The following WDTC1 variants were observed in gnomAD, a reference collection of about 807,000 sequenced individuals.
WDTC1 encodes the protein WD and tetratricopeptide repeats 1, also known as WD and tetratricopeptide repeats protein 1.
WDTC1 carries 12 observed loss-of-function variants against 76.0 expected under a neutral mutation model. The ratio of observed to expected loss-of-function variants is 0.16; its 90% CI spans 0.10 to 0.26. WDTC1 has a LOEUF of 0.26. Ranked by LOEUF, WDTC1 falls within the 10% of genes least tolerant of loss-of-function variation. WDTC1 has a pLI of 1.00. For missense variants in WDTC1, 511 were observed against 908.8 expected (o/e 0.56, Z 5.63); for synonymous variants, 326 against 350.8 (o/e 0.93, Z 0.79).
At chr1:27,245,724 C>T (rs2011807329) in intron 1 of WDTC1, among the ~76,000 whole-genome samples, 1 of 151,360 alleles carries the variant, frequency 6.6e-6, no homozygotes, top group South Asian at 2.1e-4. Context: ...TGCCTGCCAC[C>T]ATGCACAGCT....
In WDTC1 at chr1:27,305,315, A is replaced by C. The variant is rs939849528; in HGVS notation, c.1836+122A>C. On this transcript the variant is annotated intron_variant, in intron 15 of 15. Transcript: ENST00000319394. This position sits in a 1 kb window ranked among gnomAD's most constrained non-coding sequence, Gnocchi z 4.6. Reference sequence around the variant, plus strand: ...GGCTAGAAGCTGCTAAGTAAGCCTTACCCCGGGGCCCAAGGCTGTGTTCTC... The same window carrying C: ...GGCTAGAAGCTGCTAAGTAAGCCTTCCCCCGGGGCCCAAGGCTGTGTTCTC... 1.3e-5 allele frequency: 16 copies of C among 1,235,242 alleles called. No individual in the cohort carries two copies. The highest frequency in any genetic ancestry group is 1.6e-5 in the Non-Finnish European group (15 of 918,200). 76.5% of individuals were successfully genotyped at this position (1,235,242 alleles called of 1,614,324 possible). A position where few individuals can be genotyped will look rare whatever the true frequency, so the allele number is the denominator to read the frequency against.
chr1:27,248,903 C>T (rs2147912171), intron 1 of WDTC1, among the ~76,000 whole-genome samples: 1 of 152,220 alleles, frequency 6.6e-6, no homozygotes, highest in Admixed American at 6.5e-5. Context: ...GCAATCTTCC[C>T]ACATTGGTCT....
chr1:27,286,161 A>G (rs976541706), intron 5 of WDTC1, among the ~76,000 whole-genome samples: 4 of 151,710 alleles, frequency 2.6e-5, no homozygotes, highest in Non-Finnish European at 5.9e-5. Context: ...GCACACCACC[A>G]CATCCGGCTA....
At chr1:27,285,996 GTTTTTTTT>G (rs5773184) in intron 5 of WDTC1, among the ~76,000 whole-genome samples, 1 of 63,280 alleles carries the variant, frequency 1.6e-5, no homozygotes, top group African/African-American at 6.6e-5. Flanking sequence ...CAGGATGGTG[GTTTTTTTT>G]TTTTTTTTTT....
chr1:27,258,808 A>G (rs2012376055), intron 1 of WDTC1, among the ~76,000 whole-genome samples: 1 of 152,154 alleles, frequency 6.6e-6, no homozygotes, highest in African/African-American at 2.4e-5. Context: ...CAGGTGAAAA[A>G]CGTGATTTCA....
At chr1:27,297,747 A>G (rs1181352616) in intron 11 of WDTC1, among the ~76,000 whole-genome samples, 191 bp from the exon 12 acceptor site, 1 of 152,122 alleles carries the variant, frequency 6.6e-6, no homozygotes, top group Non-Finnish European at 1.5e-5. Flanking sequence ...TTGGAATGAA[A>G]TTCCAAATGG....
At chr1:27,235,934 T>C (rs1264613913) in intron 1 of WDTC1, among the ~76,000 whole-genome samples, 3 of 152,126 alleles carry the variant, frequency 2.0e-5, no homozygotes, top group Non-Finnish European at 4.4e-5. Context: ...GTAGATGATC[T>C]GGGTAAAGTG....
intron 1 of WDTC1, among the ~76,000 whole-genome samples, chr1:27,239,501 A>G (rs1226613701): frequency 6.9e-6 from 1 of 145,764 alleles, no homozygotes; most frequent in Non-Finnish European, 1.5e-5. Context: ...CAGCATGGGC[A>G]ACAGAGACCC....
chr1:27,241,982 C>T (rs1269623277), intron 1 of WDTC1, among the ~76,000 whole-genome samples: 2 of 151,592 alleles, frequency 1.3e-5, no homozygotes, highest in African/African-American at 2.4e-5. Context: ...GCCTCAGGCT[C>T]CTGGGTTCAA....
intron 1 of WDTC1, among the ~76,000 whole-genome samples, chr1:27,243,198 ATTTTTTTTTT>A (rs10714028): frequency 6.6e-5 from 4 of 60,248 alleles, no homozygotes; most frequent in Admixed American, 2.3e-4. Context: ...CTGGCCAGTA[ATTTTTTTTTT>A]TTTTTTTTTT....
At chr1:27,268,437 G>A (rs920453687) in intron 3 of WDTC1, among the ~76,000 whole-genome samples, 4 of 150,642 alleles carry the variant, frequency 2.7e-5, no homozygotes, top group Non-Finnish European at 5.9e-5. Context: ...TGGTTTTTTT[G>A]TGACAGAGTC....
chr1:27,246,671 T>C (rs1350424835), intron 1 of WDTC1, among the ~76,000 whole-genome samples: 2 of 151,610 alleles, frequency 1.3e-5, no homozygotes, highest in Admixed American at 6.6e-5. Flanking sequence ...AAGCGATTCT[T>C]CTGCCTCAGC....
intron 1 of WDTC1, among the ~76,000 whole-genome samples, chr1:27,241,841 A>G (rs1445582853): frequency 6.6e-6 from 1 of 152,190 alleles, no homozygotes; most frequent in Non-Finnish European, 1.5e-5. Context: ...ACATCCAGAA[A>G]AAATTTTCAC....
At chr1:27,237,727 T>G (rs984622193) in intron 1 of WDTC1, among the ~76,000 whole-genome samples, 15 of 152,004 alleles carry the variant, frequency 9.9e-5, no homozygotes, top group African/African-American at 3.1e-4. Flanking sequence ...GGCACGCGCC[T>G]GTAGTCCCAG....
In WDTC1 at chr1:27,303,410, T is replaced by A. The variant is rs1415634731; in HGVS notation, c.1469-211T>A. Among the ~76,000 whole-genome samples, 1 of 152,240 alleles carries A rather than the reference T, an allele frequency of 6.6e-6. No homozygotes were observed. The highest frequency in any genetic ancestry group is 1.5e-5 in the Non-Finnish European group (1 of 68,030). On this transcript the variant is annotated intron_variant, in intron 13 of 15. Transcript: ENST00000319394. The surrounding 1 kb of genome is among the most constrained non-coding windows in gnomAD (Gnocchi z 4.8). ...TTAGGGACCTGAACCAGGGCCCTCC[T>A]GGCATCAAAGGTCTCCTCTTGAACA...
intron 1 of WDTC1, among the ~76,000 whole-genome samples, chr1:27,252,366 AAAATT>A (rs955551590): frequency 6.6e-6 from 1 of 152,058 alleles, no homozygotes; most frequent in African/African-American, 2.4e-5. Context: ...AAACAAAAAT[AAAATT>A]AAAAAACCTT....
chr1:27,266,808 A>G (rs1196349144), intron 3 of WDTC1, among the ~76,000 whole-genome samples: 1 of 152,230 alleles, frequency 6.6e-6, no homozygotes, highest in East Asian at 1.9e-4. Flanking sequence ...GATCAACAGT[A>G]AAAGCTGCTG....
chr1:27,294,140 C>G (rs1480059656), intron 8 of WDTC1, 24 bp downstream of exon 8: 1 of 1,608,636 alleles, frequency 6.2e-7, no homozygotes, highest in African/African-American at 1.3e-5. Flanking sequence ...CAGCTCTGGC[C>G]CCAAACTCTC....
intron 1 of WDTC1, among the ~76,000 whole-genome samples, chr1:27,248,643 A>G (rs1260977435): frequency 6.6e-6 from 1 of 152,064 alleles, no homozygotes. Context: ...TCTTATGTGA[A>G]TTTCACTTAA....
Sources: allele counts gnomAD v4.1 joint callset (sites outside exome capture counted in the v4.1 genomes callset), GRCh38; gene constraint gnomAD v4.1.1; non-coding constraint Gnocchi (gnomAD v3.1); transcripts MANE v1.5; gene names NCBI Gene and HGNC (gene_info 2026-07-23, HGNC 2026-07-21).